Variants in WASF3 observed in about 807,000 individuals in gnomAD.
WASF3 encodes actin-binding protein WASF3.
A neutral mutation model predicts 46.6 loss-of-function variants in WASF3; 11 were observed. The ratio of observed to expected loss-of-function variants is 0.24; its 90% CI spans 0.15 to 0.39. The LOEUF (loss-of-function observed/expected upper bound fraction) is 0.39. Ranked by LOEUF, WASF3 falls within the 10% of genes least tolerant of loss-of-function variation. WASF3 has a pLI of 1.00. For synonymous variants in WASF3, 242 were observed against 259.7 expected, an observed-to-expected ratio of 0.93 and a Z score of 0.65; for missense variants, 576 against 669.8, an observed-to-expected ratio of 0.86 and a Z score of 1.55.
At chr13:26,554,096 C>CTTTCCTTCTTTCTTTCCTTCT (rs1555245931), upstream of WASF3, among the ~76,000 whole-genome samples, 1 of 7,372 alleles carries the variant, frequency 1.4e-4, no homozygotes, top group Non-Finnish European at 3.0e-4. Context: ...TCCTTCCTTC[C>CTTTCCTTCTTTCTTTCCTTCT]TTCTTTCTTT....
In WASF3 at chr13:26,614,859, A is replaced by G. The variant is rs113827423; in HGVS notation, c.-11+1801A>G. On this transcript the variant is annotated intron_variant, in intron 2 of 9. Coordinates refer to ENST00000335327, the MANE Select transcript of WASF3 (RefSeq NM_006646.6). ...GGCTTATGGAGGTCTCAGCTCTTGA[A>G]GAACTCGGGGCTTCTGCTTGCCACG... Among the ~76,000 whole-genome samples the G allele has an allele frequency of 6.5e-3, 988 of 152,070 alleles. 8 individuals carry two copies. The highest frequency in any genetic ancestry group is 0.023 in the African/African-American group (935 of 41,492).
At chr13:26,539,280 A>G in the WASF3 span, among the ~76,000 whole-genome samples, 1 of 152,104 alleles carries the variant, frequency 6.6e-6, no homozygotes, top group South Asian at 2.1e-4. Flanking sequence ...GTGGTAGCTG[A>G]GTCTGGGGGG....
intron 5 of WASF3, among the ~76,000 whole-genome samples, chr13:26,670,985 A>G (rs1174233747): frequency 6.6e-6 from 1 of 152,210 alleles, no homozygotes; most frequent in Admixed American, 6.5e-5. Flanking sequence ...AAACTCTCCT[A>G]TACTCATTTA....
chr13:26,618,713 C>T (rs961927504), intron 2 of WASF3: 1 of 152,148 alleles, frequency 6.6e-6, no homozygotes, highest in African/African-American at 2.4e-5. Context: ...CATTCTTGTA[C>T]ATGAATTCTG....
At chr13:26,654,459 G>C (rs1593172382) in intron 3 of WASF3, among the ~76,000 whole-genome samples, 1 of 152,054 alleles carries the variant, frequency 6.6e-6, no homozygotes, top group East Asian at 1.9e-4. Flanking sequence ...CAGACATATT[G>C]CTTGTTTATT....
chr13:26,678,361 A>G (rs1240783851), intron 7 of WASF3, among the ~76,000 whole-genome samples: 2 of 152,190 alleles, frequency 1.3e-5, no homozygotes, highest in African/African-American at 4.8e-5. Context: ...AATATGATCT[A>G]TAGTTTCACC....
chr13:26,574,713 T>G (rs1196413297), intron 1 of WASF3, among the ~76,000 whole-genome samples: 1 of 152,226 alleles, frequency 6.6e-6, no homozygotes, highest in Non-Finnish European at 1.5e-5. Context: ...GTATATTTAC[T>G]CTGTTCATTT....
At position 26,651,750 on chromosome 13, in the gene WASF3, A is replaced by T. The variant is rs1428123188; in HGVS notation, c.133+9347A>T. Among the ~76,000 whole-genome samples the T allele has an allele frequency of 5.3e-5, 8 of 152,356 alleles. No individual in the cohort carries two copies. The East Asian group carries it at 1.5e-3, about 29-fold the overall frequency. On this transcript the variant is annotated intron_variant, in intron 3 of 9. Transcript: ENST00000335327. The stretch of plus-strand genomic sequence containing the variant: ...GTCTGTATCTGCTTAAAAGACTAGT[A>T]ACTGTTTAAAATTTATGGCATTTAT...
chr13:26,627,243 T>C (rs1250017239), intron 2 of WASF3, among the ~76,000 whole-genome samples: 1 of 151,118 alleles, frequency 6.6e-6, no homozygotes, highest in Non-Finnish European at 1.5e-5. Context: ...ATTAAAATTA[T>C]ATTACTATCA....
chr13:26,583,416 ATT>A (rs1041420487), intron 1 of WASF3, among the ~76,000 whole-genome samples: 3 of 152,138 alleles, frequency 2.0e-5, no homozygotes, highest in Non-Finnish European at 4.4e-5. Context: ...AGTGTTTATT[ATT>A]TTGTTTTTAC....
At chr13:26,541,767 G>GT in the WASF3 span, among the ~76,000 whole-genome samples, 8 of 152,018 alleles carry the variant, frequency 5.3e-5, no homozygotes, top group Non-Finnish European at 8.8e-5. Context: ...ACAGGCATGA[G>GT]CCACTGTGCC....
rs749030517 is a variant in WASF3, at chr13:26,681,215, C to T, written c.878C>T (p.Ala293Val). ...EHEYRPPSAS[A>V]RHMALNRPQQ... ...GAGTACCGGCCCCCATCTGCCTCGG[C>T]GAGGCACATGGCCCTCAACAGACCT... is the stretch of plus-strand genomic sequence containing the variant. Residue 293 changes from alanine to valine, a missense_variant, in exon 8 of 10, where the codon GCG (alanine) becomes GTG (valine). Physicochemically the swap from Ala to Val is moderately conservative, Grantham distance 64 (BLOSUM62 0). Around this residue, in one of 3 missense-constraint regions of WASF3, gnomAD observed 295 missense variants for 291.5 expected, o/e 1.01. Coordinates refer to ENST00000335327, the MANE Select transcript of WASF3 (RefSeq NM_006646.6). The T allele has an allele frequency of 3.7e-5, 59 of 1,613,886 alleles. No individual in the cohort carries two copies. The highest frequency in any genetic ancestry group is 2.2e-4 in the Admixed American group (13 of 59,988).
intron 3 of WASF3, among the ~76,000 whole-genome samples, chr13:26,659,236 T>A (rs766016323): frequency 6.6e-6 from 1 of 152,074 alleles, no homozygotes; most frequent in African/African-American, 2.4e-5. Context: ...GCAAACCATG[T>A]GAGTTTCTGG....
intron 2 of WASF3, among the ~76,000 whole-genome samples, chr13:26,631,162 G>C (rs1425949691): frequency 3.3e-5 from 5 of 152,140 alleles, no homozygotes. Flanking sequence ...AGTTTAATTA[G>C]ATCCCATTTG....
chr13:26,582,701 C>CAAAAAA (rs1880019649), intron 1 of WASF3, among the ~76,000 whole-genome samples: 1 of 82,728 alleles, frequency 1.2e-5, no homozygotes. Flanking sequence ...AAAAAAAAAG[C>CAAAAAA]CTACCTCACA....
At chr13:26,646,582 C>T (rs1321266410) in intron 3 of WASF3, among the ~76,000 whole-genome samples, 7 of 152,268 alleles carry the variant, frequency 4.6e-5, no homozygotes, top group Non-Finnish European at 5.9e-5. Flanking sequence ...AAATCATTTT[C>T]AGGTACAGAT....
chr13:26,647,259 T>C (rs866054329), intron 3 of WASF3, among the ~76,000 whole-genome samples: 5 of 152,340 alleles, frequency 3.3e-5, no homozygotes, highest in South Asian at 2.1e-4. Flanking sequence ...TTTAAGTCTG[T>C]TTTAATTTTC....
At chr13:26,675,019 G>A (rs1024678355) in intron 6 of WASF3, among the ~76,000 whole-genome samples, 2 of 152,134 alleles carry the variant, frequency 1.3e-5, no homozygotes, top group South Asian at 2.1e-4. Context: ...TAAAGCCTCC[G>A]GGATGCCTCT....
chr13:26,668,904 A>G (rs17547789), intron 5 of WASF3, among the ~76,000 whole-genome samples: 47,766 of 152,158 alleles, frequency 0.31, 8,956 homozygotes, highest in Non-Finnish European at 0.42. Context: ...CATTTGTTCA[A>G]TAGGCATTTT....
Sources: gnomAD v4.1 joint callset for allele counts (sites outside exome capture counted in the v4.1 genomes callset) on GRCh38, gnomAD v4.1.1 for gene constraint, gnomAD v4.1.1 regional missense constraint, MANE v1.5 for transcripts, NCBI Gene and HGNC (gene_info 2026-07-23, HGNC 2026-07-21) for gene names.